The following XAF1 variants were observed in gnomAD, a reference collection of about 807,000 sequenced individuals.
XAF1 encodes the protein XIAP associated factor 1.
Under a neutral mutation model 32.3 loss-of-function variants are expected in XAF1, and 32 were observed. The observed-to-expected ratio is 0.99, with a 90% CI of 0.75 to 1.33. The LOEUF (loss-of-function observed/expected upper bound fraction) is 1.33, where lower values mean the gene tolerates loss of function less well. XAF1 is among the 40% of genes most tolerant of loss of function. The probability of loss-of-function intolerance (pLI) is 0.00; values close to 1 mark genes in which losing one functional copy is unlikely to be tolerated. For missense variants in XAF1, 379 were observed against 366.0 expected (o/e 1.04, Z -0.29); for synonymous variants, 120 against 125.9 (o/e 0.95, Z 0.31).
Position 6,771,248 on chromosome 17 carries a change from C to T in XAF1, c.849+264C>T, listed in dbSNP as rs1976013696. On this transcript the variant is annotated intron_variant, in intron 6 of 6. Coordinates refer to ENST00000361842, the MANE Select transcript of XAF1 (RefSeq NM_017523.5). The stretch of plus-strand genomic sequence containing the variant: ...AGGTCCCTCTTCTCTGTGTCTCCAG[C>T]TTCTAGGCCAGGGATTGATTTGGAG... 3 of 381,868 alleles carry T rather than the reference C, an allele frequency of 7.9e-6. No homozygotes were observed. The South Asian group carries it at 1.3e-4, about 17-fold the overall frequency. The allele number at this position is 381,868 out of a possible 1,614,324, so 23.7% of individuals were successfully genotyped here.
At chr17:6,756,668 G>A (rs1006383860) in intron 1 of XAF1, among the ~76,000 whole-genome samples, 1 of 152,158 alleles carries the variant, frequency 6.6e-6, no homozygotes, top group Non-Finnish European at 1.5e-5. Context: ...CCTCCCCAGA[G>A]AGCTTTGCTC....
intron 1 of XAF1, among the ~76,000 whole-genome samples, chr17:6,756,496 G>C (rs1390649902): frequency 6.6e-6 from 1 of 151,326 alleles, no homozygotes; most frequent in Non-Finnish European, 1.5e-5. Context: ...GATTCTCCAG[G>C]ACTACTCTCA....
chr17:6,756,641 CA>C (rs1974695576), intron 1 of XAF1, among the ~76,000 whole-genome samples: 1 of 152,178 alleles, frequency 6.6e-6, no homozygotes, highest in South Asian at 2.1e-4. Context: ...CTACCTGTGA[CA>C]GGGACCTGAG....
At chr17:6,765,447 T>A (rs540775041) in intron 5 of XAF1, among the ~76,000 whole-genome samples, 2 of 152,284 alleles carry the variant, frequency 1.3e-5, no homozygotes, top group East Asian at 3.9e-4. Flanking sequence ...TTTAAAAATT[T>A]TTTAAAAAGC....
chr17:6,771,676 T>G lies in XAF1; in HGVS notation c.849+692T>G, dbSNP rs1597757712. On this transcript the variant is annotated intron_variant, in intron 6 of 6. Coordinates refer to ENST00000361842, the MANE Select transcript of XAF1 (RefSeq NM_017523.5). Reference sequence around the variant, plus strand: ...AGAAGGTGGCAGGATCCAGCCTGAGTCCACATGTATATAGCTCCAAAGTTT... The same window carrying G: ...AGAAGGTGGCAGGATCCAGCCTGAGGCCACATGTATATAGCTCCAAAGTTT... 2.0e-5 allele frequency: 3 copies of G among 152,282 alleles called. No homozygotes were observed. In the South Asian group the frequency reaches 6.2e-4, roughly 32 times the overall value. The allele number at this position is 152,282 out of a possible 1,614,324, so 9.4% of individuals were successfully genotyped here.
At chr17:6,772,881 G>C (rs1976160199) in intron 6 of XAF1, 1 of 445,112 alleles carries the variant, frequency 2.2e-6, no homozygotes, top group Admixed American at 4.6e-5. Context: ...TGGTGTGAGT[G>C]TTCTCCCATC....
chr17:6,772,685 G>A (rs1976141982), intron 6 of XAF1: 1 of 157,500 alleles, frequency 6.3e-6, no homozygotes, highest in Non-Finnish European at 1.4e-5. Flanking sequence ...GTCCATGCTG[G>A]TCTTGAAATC....
chr17:6,759,662 G>T lies in XAF1; in HGVS notation c.169G>T (p.Val57Phe). The change falls in exon 3 of 7, where the codon GTT becomes TTT. Residue 57 changes from valine (V) to phenylalanine (F), a missense_variant and splice_region_variant. Physicochemically the swap from Val to Phe is conservative, Grantham distance 50. Coordinates refer to ENST00000361842, the MANE Select transcript of XAF1 (RefSeq NM_017523.5). ...TGTGTGTGTGTGTGTGTGTGTTTAG[G>T]TTGGGTGTACGATGTGTCAGCAGAG... is the stretch of plus-strand genomic sequence containing the variant. ...EEHCKLEHQQ[V>F]GCTMCQQSMQ... is the part of the protein sequence containing the mutation. 2 of 1,612,230 alleles carry T rather than the reference G, an allele frequency of 1.2e-6. No homozygotes were observed. The highest frequency in any genetic ancestry group is 3.3e-5 in the Admixed American group (2 of 59,962).
Position 6,770,495 on chromosome 17 carries a change from C to T in XAF1, c.508-148C>T, listed in dbSNP as rs1017280401. On this transcript the variant is annotated intron_variant, in intron 5 of 6. Coordinates refer to ENST00000361842, the MANE Select transcript of XAF1 (RefSeq NM_017523.5). ...AAAATTTTCTTTCTTTCCTGCAAAG[C>T]CAGCTATTAAATTGAATGTCTGTCA... 4.1e-5 allele frequency: 27 copies of T among 662,014 alleles called. No homozygotes were observed. In the African/African-American group the frequency reaches 4.9e-4, roughly 12 times the overall value. The allele number at this position is 662,014 out of a possible 1,614,324, so 41.0% of individuals were successfully genotyped here.
chr17:6,759,013 G>A (rs1276780056), intron 2 of XAF1: 3 of 423,486 alleles, frequency 7.1e-6, no homozygotes, highest in Non-Finnish European at 1.0e-5. Context: ...AAGAAAGAAG[G>A]GGTCTGGGAG....
intron 5 of XAF1, 34 bp from the exon 6 acceptor site, chr17:6,770,609 A>G (rs747436358): frequency 1.7e-5 from 25 of 1,511,016 alleles, no homozygotes; most frequent in Non-Finnish European, 2.2e-5. Flanking sequence ...AGCTGAAGTC[A>G]TTTTAAAATT....
Position 6,775,416 on chromosome 17 carries a change from CT to C in XAF1, c.*2248del, listed in dbSNP as rs1333863682. 6.6e-6 allele frequency: 1 copy of C among 151,982 alleles called. No homozygotes were observed. The highest frequency in any genetic ancestry group is 1.9e-4 in the East Asian group (1 of 5,196). 9.4% of individuals were successfully genotyped at this position (151,982 alleles called of 1,614,324 possible). ...ATATAGCAAGCCTACACATGTGCCC[CT>C]GAACCTAAAAAAAAAGTTAAAAGAA... On this transcript the variant is annotated 3_prime_UTR_variant, in exon 7 of 7. Transcript: ENST00000361842.
intron 5 of XAF1, among the ~76,000 whole-genome samples, chr17:6,767,247 T>C (rs573231482): frequency 1.2e-4 from 18 of 152,192 alleles, no homozygotes; most frequent in Non-Finnish European, 2.5e-4. Context: ...AATATGACAG[T>C]AGAAAGTTAA....
At chr17:6,766,883 T>A (rs1264076163) in intron 5 of XAF1, among the ~76,000 whole-genome samples, 1 of 152,186 alleles carries the variant, frequency 6.6e-6, no homozygotes, top group Non-Finnish European at 1.5e-5. Flanking sequence ...GGTCTGGAAT[T>A]TCTTCCACTC....
intron 5 of XAF1, among the ~76,000 whole-genome samples, chr17:6,769,347 T>C (rs1235587774): frequency 2.0e-5 from 3 of 152,214 alleles, no homozygotes; most frequent in South Asian, 2.1e-4. Flanking sequence ...TTAACTTGAT[T>C]TAATCATCCC....
At chr17:6,760,087 C>A (rs770158504) in intron 3 of XAF1, among the ~76,000 whole-genome samples, 1 of 152,170 alleles carries the variant, frequency 6.6e-6, no homozygotes, top group African/African-American at 2.4e-5. Context: ...CAGTGGCACA[C>A]GCCTGTAATC....
At chr17:6,767,059 T>A (rs980939096) in intron 5 of XAF1, among the ~76,000 whole-genome samples, 17 of 152,230 alleles carry the variant, frequency 1.1e-4, no homozygotes, top group African/African-American at 3.9e-4. Flanking sequence ...CTTGGGTGGC[T>A]ATAGAATCTA....
chr17:6,767,106 C>T (rs1975677652), intron 5 of XAF1, among the ~76,000 whole-genome samples: 1 of 152,106 alleles, frequency 6.6e-6, no homozygotes, highest in Non-Finnish European at 1.5e-5. Context: ...AATCTTATTA[C>T]AATTCTGATT....
In XAF1 at chr17:6,760,618, G is replaced by C. The variant is rs773849777; in HGVS notation, c.421+17G>C. ...TCGGGAAAGGTAAGCACACAAACTG[G>C]GGTGGAAGAGAGACGTTCCAAGGGC... On this transcript the variant is annotated intron_variant, in intron 4 of 6. Transcript: ENST00000361842. The C allele has an allele frequency of 4.4e-6, 7 of 1,597,138 alleles. No homozygotes were observed. The highest frequency in any genetic ancestry group is 4.3e-6 in the Non-Finnish European group (5 of 1,169,168).
Sources: gnomAD v4.1 joint callset for allele counts (sites outside exome capture counted in the v4.1 genomes callset) on GRCh38, gnomAD v4.1.1 for gene constraint, MANE v1.5 for transcripts, NCBI Gene and HGNC (gene_info 2026-07-23, HGNC 2026-07-21) for gene names.